The following CAST variants were observed in gnomAD, a reference collection of about 807,000 sequenced individuals.
The protein encoded by CAST is calpastatin, also known as MIR583 host.
Under a neutral mutation model 119.6 loss-of-function variants are expected in CAST, and 76 were observed. The ratio of observed to expected loss-of-function variants is 0.64; its 90% confidence interval spans 0.53 to 0.77. The LOEUF (loss-of-function observed/expected upper bound fraction) is 0.77, where lower values mean the gene tolerates loss of function less well. CAST is among the 30% of genes least tolerant of loss of function. The probability of loss-of-function intolerance (pLI) is 0.00; values close to 1 mark genes in which losing one functional copy is unlikely to be tolerated. For missense variants in CAST, 953 were observed against 946.5 expected, an observed-to-expected ratio of 1.01 and a Z score of -0.09; for synonymous variants, 319 against 331.6, an observed-to-expected ratio of 0.96 and a Z score of 0.41.
chr5:96,457,113 G>A, the CAST span, among the ~76,000 whole-genome samples: 1 of 151,878 alleles, frequency 6.6e-6, no homozygotes, highest in Non-Finnish European at 1.5e-5. Context: ...CAGTTATATT[G>A]CTACCACCCA....
At chr5:96,422,676 G>A in the CAST span, among the ~76,000 whole-genome samples, 664 of 152,264 alleles carry the variant, frequency 4.4e-3, 7 homozygotes, top group Non-Finnish European at 6.6e-3. Flanking sequence ...TTGATAGGTG[G>A]AAAGGATGAG....
At chr5:96,528,005 A>G (rs569634404), upstream of CAST, among the ~76,000 whole-genome samples, 1 of 152,358 alleles carries the variant, frequency 6.6e-6, no homozygotes, top group African/African-American at 2.4e-5. Context: ...ATAGCAACTA[A>G]TACTATTTAT....
At position 96,617,656 on chromosome 5, in the gene CAST, G is replaced by A. The variant is rs188846591; in HGVS notation, c.61-57883G>A. The stretch of plus-strand genomic sequence containing the variant: ...TACAAAAAAAAATTAGCCAGGCATG[G>A]TGGTGGGTGCCAGTAGTCCCAGCTA... On this transcript the variant is annotated intron_variant, in intron 1 of 11. Transcript: ENST00000505143. 2.2e-3 allele frequency among the ~76,000 whole-genome samples: 339 copies of A among 151,798 alleles called. 3 individuals carry two copies. Among genetic ancestry groups the A allele is most frequent in the Admixed American group, 0.02 (306 of 15,226 alleles).
At chr5:96,234,393 G>T in the CAST span, among the ~76,000 whole-genome samples, 2 of 152,190 alleles carry the variant, frequency 1.3e-5, no homozygotes, top group African/African-American at 4.8e-5. Context: ...TGTAATATCT[G>T]CCTTACAGTT....
the CAST span, among the ~76,000 whole-genome samples, chr5:95,991,127 C>T: frequency 6.6e-6 from 1 of 152,168 alleles, no homozygotes; most frequent in Non-Finnish European, 1.5e-5. Context: ...AAGATGCCCA[C>T]TTTGCCACAA....
the CAST span, among the ~76,000 whole-genome samples, chr5:96,360,459 C>T: frequency 2.6e-5 from 4 of 152,088 alleles, no homozygotes; most frequent in East Asian, 3.9e-4. Context: ...TCCTCATCTT[C>T]GTGGATTTAT....
chr5:96,754,126 C>A lies in CAST; in HGVS notation c.1591C>A (p.Pro531Thr), dbSNP rs761772767. ...ADSLGKKEAD[P>T]EDGKPVMDKV... is the part of the protein sequence containing the mutation. ...TAGCCTGGGGAAAAAGGAAGCAGAT[C>A]CAGAAGATGGAAAACCTGTGATGGA... The change falls in exon 21 of 32, where the codon CCA becomes ACA. Residue 531 changes from proline to threonine, a missense_variant. Physicochemically the swap from Pro to Thr is conservative, Grantham distance 38 (BLOSUM62 -1). Transcript: ENST00000675179. The A allele has an allele frequency of 2.4e-5, 39 of 1,613,158 alleles. No homozygotes were observed. Among genetic ancestry groups the A allele is most frequent in the Non-Finnish European group, 3.1e-5 (37 of 1,179,308 alleles).
the CAST span, among the ~76,000 whole-genome samples, chr5:96,021,430 G>C: frequency 5.3e-5 from 8 of 152,038 alleles, no homozygotes; most frequent in African/African-American, 1.9e-4. Flanking sequence ...TTATTTATAA[G>C]ATCCTGTATT....
At chr5:96,201,934 T>C in the CAST span, among the ~76,000 whole-genome samples, 4 of 151,050 alleles carry the variant, frequency 2.6e-5, no homozygotes. Context: ...GAGATATTTG[T>C]TTAAAATAAG....
chr5:96,435,929 G>T, the CAST span, among the ~76,000 whole-genome samples: 7 of 151,944 alleles, frequency 4.6e-5, no homozygotes, highest in Non-Finnish European at 1.0e-4. Context: ...TATACCCTTG[G>T]GCATACTAAA....
At position 96,582,041 on chromosome 5, in the gene CAST, AG is replaced by A. The variant is rs750426555; in HGVS notation, c.60+52162del. Among the ~76,000 whole-genome samples the A allele has an allele frequency of 4.6e-4, 70 of 152,382 alleles. 1 individual carries two copies. Among genetic ancestry groups the A allele is most frequent in the Non-Finnish European group, 7.6e-4 (52 of 68,038 alleles). On this transcript the variant is annotated intron_variant, in intron 1 of 11. Coordinates refer to the CAST transcript ENST00000505143. ...GAGGAATTAGTAAACTCTTTGCAAT[AG>A]AATGTTCAATCCGAGGTCATAAGAA...
the CAST span, among the ~76,000 whole-genome samples, chr5:96,204,274 G>A: frequency 2.7e-4 from 41 of 152,108 alleles, no homozygotes; most frequent in African/African-American, 9.4e-4. Context: ...GCTGGTTTGA[G>A]TGTGTCCAGG....
the CAST span, among the ~76,000 whole-genome samples, chr5:96,234,076 G>A: frequency 1.3e-5 from 2 of 152,118 alleles, no homozygotes; most frequent in Non-Finnish European, 2.9e-5. Context: ...AAAGAAGTGG[G>A]TACATAGGAC....
the CAST span, among the ~76,000 whole-genome samples, chr5:96,211,466 C>T: frequency 6.6e-6 from 1 of 151,940 alleles, no homozygotes; most frequent in South Asian, 2.1e-4. Flanking sequence ...TTGAACTAAC[C>T]TTACATCCCT....
chr5:96,235,175 C>T, the CAST span, among the ~76,000 whole-genome samples: 1 of 152,164 alleles, frequency 6.6e-6, no homozygotes, highest in Admixed American at 6.5e-5. Flanking sequence ...GGAAGAGAAC[C>T]AGAGCAGGAG....
At chr5:96,692,040 T>G (rs916188891) in intron 2 of CAST, among the ~76,000 whole-genome samples, 3 of 152,242 alleles carry the variant, frequency 2.0e-5, no homozygotes, top group Admixed American at 2.0e-4. Context: ...AGTATGCAAC[T>G]AATTCTTTTC....
intron 1 of CAST, among the ~76,000 whole-genome samples, chr5:96,598,039 C>T (rs1747085133): frequency 6.6e-6 from 1 of 152,224 alleles, no homozygotes; most frequent in African/African-American, 2.4e-5. Flanking sequence ...ACTCTACACA[C>T]TCCCGAAGGT....
In CAST at chr5:96,748,767, T is replaced by C. The variant is rs1255948267; in HGVS notation, c.1428+154T>C. The C allele has an allele frequency of 5.3e-6, 3 of 560,864 alleles. No homozygotes were observed. In the African/African-American group the frequency reaches 5.8e-5, roughly 11 times the overall value. 34.7% of individuals were successfully genotyped at this position (560,864 alleles called of 1,614,324 possible). On this transcript the variant is annotated intron_variant, in intron 19 of 31. Coordinates refer to ENST00000675179, the MANE Select transcript of CAST (RefSeq NM_001750.7). ...TTTTTGTCTTCCTTTTTGGATGTGC[T>C]TTCTGCCCCAACCTAACCCTGATAT... is the stretch of plus-strand genomic sequence containing the variant.
chr5:96,430,523 G>C, the CAST span, among the ~76,000 whole-genome samples: 1 of 152,144 alleles, frequency 6.6e-6, no homozygotes, highest in Non-Finnish European at 1.5e-5. Context: ...GCTTAGCTCT[G>C]TTTTCTCTGC....
Sources: allele counts gnomAD v4.1 joint callset (sites outside exome capture counted in the v4.1 genomes callset), GRCh38; gene constraint gnomAD v4.1.1; transcripts MANE v1.5; gene names NCBI Gene and HGNC (gene_info 2026-07-23, HGNC 2026-07-21).